The following NRXN1 variants were observed in gnomAD, a reference collection of about 807,000 sequenced individuals.
NRXN1 encodes the protein neurexin-1.
A neutral mutation model predicts 150.9 loss-of-function variants in NRXN1; 39 were observed. The ratio of observed to expected loss-of-function variants is 0.26; its 90% CI spans 0.20 to 0.34. The LOEUF (loss-of-function observed/expected upper bound fraction) is 0.34, where lower values mean the gene tolerates loss of function less well. NRXN1 is among the 10% of genes least tolerant of loss of function. NRXN1 has a pLI of 1.00. For synonymous variants in NRXN1, 924 were observed against 757.0 expected (o/e 1.22, Z -3.62); for missense variants, 1,815 against 1,949.9 (o/e 0.93, Z 1.30).
chr2:50,042,356 T>G (rs1232933427), intron 21 of NRXN1, among the ~76,000 whole-genome samples: 5 of 152,156 alleles, frequency 3.3e-5, no homozygotes, highest in African/African-American at 9.7e-5. Context: ...TGGTAAGTTC[T>G]CATGAGATAA....
At chr2:50,634,446 T>G (rs1403082630) in intron 5 of NRXN1, among the ~76,000 whole-genome samples, 1 of 152,202 alleles carries the variant, frequency 6.6e-6, no homozygotes, top group Non-Finnish European at 1.5e-5. Context: ...ATAGGGTAGT[T>G]GTAAGGATTA....
intron 18 of NRXN1, among the ~76,000 whole-genome samples, chr2:50,140,957 G>A (rs1707188167): frequency 6.6e-6 from 1 of 151,788 alleles, no homozygotes; most frequent in South Asian, 2.1e-4. Flanking sequence ...ATGTATATAC[G>A]TATAATTTTC....
chr2:50,985,435 G>T lies in NRXN1; in HGVS notation c.772+42067C>A, dbSNP rs983153052. 2.9e-4 allele frequency: 44 copies of T among 151,736 alleles called. 1 individual carries two copies. The highest frequency in any genetic ancestry group is 9.9e-4 in the African/African-American group (41 of 41,372). The allele number at this position is 151,736 out of a possible 1,614,324, so 9.4% of individuals were successfully genotyped here. On this transcript the variant is annotated intron_variant, in intron 2 of 22. Coordinates refer to ENST00000401669, the MANE Select transcript of NRXN1 (RefSeq NM_001330078.2). ...ATCTTCAACGTCGGTTAATAGAAGA[G>T]TATGGAGAGATGGCTTCAAGCAGAA...
At chr2:50,601,406 A>G (rs1379748367) in intron 8 of NRXN1, among the ~76,000 whole-genome samples, 1 of 152,166 alleles carries the variant, frequency 6.6e-6, no homozygotes, top group African/African-American at 2.4e-5. Flanking sequence ...CATGCTAGAC[A>G]CCTGTTTTTC....
intron 17 of NRXN1, among the ~76,000 whole-genome samples, chr2:50,320,418 A>G (rs2152973673): frequency 6.7e-6 from 1 of 149,920 alleles, no homozygotes; most frequent in South Asian, 2.1e-4. Flanking sequence ...TACTATAAAA[A>G]TGTTATACTT....
intron 5 of NRXN1, among the ~76,000 whole-genome samples, chr2:50,712,074 G>A (rs1238879891): frequency 6.6e-6 from 1 of 152,018 alleles, no homozygotes; most frequent in Non-Finnish European, 1.5e-5. Context: ...AAAGATAATT[G>A]TATTCTTCTT....
intron 5 of NRXN1, among the ~76,000 whole-genome samples, chr2:50,783,702 A>G (rs1704667736): frequency 1.3e-5 from 2 of 152,146 alleles, no homozygotes; most frequent in African/African-American, 4.8e-5. Flanking sequence ...ACACTTGGTA[A>G]TATACATACT....
At chr2:50,482,841 A>T (rs2090571612) in intron 15 of NRXN1, among the ~76,000 whole-genome samples, 1 of 152,100 alleles carries the variant, frequency 6.6e-6, no homozygotes, top group Admixed American at 6.5e-5. Flanking sequence ...CAGGCCTATA[A>T]TCCCAGCACT....
chr2:50,302,126 T>G (rs2074209530), intron 17 of NRXN1, among the ~76,000 whole-genome samples: 1 of 151,852 alleles, frequency 6.6e-6, no homozygotes, highest in Non-Finnish European at 1.5e-5. Flanking sequence ...GAGAAAAAAA[T>G]ATAATGAAGT....
At chr2:50,786,838 G>A (rs1214926784) in intron 5 of NRXN1, among the ~76,000 whole-genome samples, 2 of 152,074 alleles carry the variant, frequency 1.3e-5, no homozygotes, top group Non-Finnish European at 2.9e-5. Context: ...AATTAGCTTA[G>A]TCAATCTGTT....
chr2:49,969,568 T>C (rs1277731638), intron 21 of NRXN1: 1 of 152,064 alleles, frequency 6.6e-6, no homozygotes, highest in African/African-American at 2.4e-5. Flanking sequence ...TTATTACATA[T>C]ATATAATCTA....
chr2:50,039,420 C>T (rs1028981147), intron 21 of NRXN1, among the ~76,000 whole-genome samples: 2 of 152,174 alleles, frequency 1.3e-5, no homozygotes, highest in East Asian at 1.9e-4. Context: ...GAGCCGAGAT[C>T]ATGCCACTGC....
chr2:49,925,563 C>T (rs1337893058), intron 22 of NRXN1, among the ~76,000 whole-genome samples: 2 of 151,754 alleles, frequency 1.3e-5, no homozygotes, highest in African/African-American at 4.8e-5. Context: ...GTCATCTCAT[C>T]CATTTACTAA....
At chr2:50,978,266 T>TTATATATATATATATA (rs1237092456) in intron 2 of NRXN1, among the ~76,000 whole-genome samples, 7 of 33,908 alleles carry the variant, frequency 2.1e-4, no homozygotes, top group Non-Finnish European at 4.6e-4. Flanking sequence ...AATATGGATA[T>TTATATATATATATATA]TATACATATA....
At chr2:50,999,107 C>T (rs947801342) in intron 2 of NRXN1, among the ~76,000 whole-genome samples, 1 of 152,036 alleles carries the variant, frequency 6.6e-6, no homozygotes, top group Non-Finnish European at 1.5e-5. Context: ...ATTTCTCCAG[C>T]ATGCCTGTCC....
intron 17 of NRXN1, chr2:50,463,918 A>C (rs1268786882): frequency 6.6e-6 from 1 of 151,660 alleles, no homozygotes; most frequent in Non-Finnish European, 1.5e-5. Flanking sequence ...AAAATTTGCG[A>C]TAATAAAATC....
chr2:49,985,649 G>T (rs983777335), intron 21 of NRXN1, among the ~76,000 whole-genome samples: 2 of 152,146 alleles, frequency 1.3e-5, no homozygotes, highest in South Asian at 4.1e-4. Flanking sequence ...TACTTCCACT[G>T]TGACAAGCAA....
intron 18 of NRXN1, among the ~76,000 whole-genome samples, chr2:50,228,063 T>A (rs2064572482): frequency 6.6e-6 from 1 of 152,038 alleles, no homozygotes; most frequent in African/African-American, 2.4e-5. Flanking sequence ...TACAAGAAGT[T>A]CCTTGTTTTG....
chr2:50,485,372 T>A (rs2090791875), intron 15 of NRXN1, among the ~76,000 whole-genome samples: 1 of 152,182 alleles, frequency 6.6e-6, no homozygotes, highest in African/African-American at 2.4e-5. Flanking sequence ...TCTGAGAATA[T>A]TTTTTGAAGT....
Sources: allele counts gnomAD v4.1 joint callset (sites outside exome capture counted in the v4.1 genomes callset), GRCh38; gene constraint gnomAD v4.1.1; transcripts MANE v1.5; gene names NCBI Gene and HGNC (gene_info 2026-07-23, HGNC 2026-07-21).